The following SH3KBP1 variants were observed in gnomAD, a reference collection of about 807,000 sequenced individuals.
The protein encoded by SH3KBP1 is SH3 domain-containing kinase-binding protein 1.
SH3KBP1 carries 8 observed loss-of-function variants against 50.1 expected under a neutral mutation model. The observed-to-expected ratio is 0.16, with a 90% confidence interval of 0.09 to 0.29. SH3KBP1 has a LOEUF of 0.29. SH3KBP1 is among the 10% of genes least tolerant of loss of function. SH3KBP1 has a pLI of 1.00. For missense variants in SH3KBP1, 377 were observed against 535.2 expected (o/e 0.70, Z 2.92); for synonymous variants, 227 against 218.6 (o/e 1.04, Z -0.34).
At chrX:19,634,339 CAG>C (rs779668610) in intron 7 of SH3KBP1, among the ~76,000 whole-genome samples, 1 of 110,993 alleles carries the variant, frequency 9.0e-6, no homozygotes, top group South Asian at 3.8e-4. Flanking sequence ...CCAAGAAAAT[CAG>C]TGATAATTTG....
chrX:19,851,926 T>C (rs181789674), intron 1 of SH3KBP1, among the ~76,000 whole-genome samples: 1 of 111,427 alleles, frequency 9.0e-6, no homozygotes, highest in Non-Finnish European at 1.9e-5. Context: ...GCCAATTGTG[T>C]TTTCCAAGAT....
In SH3KBP1 at chrX:19,646,900, C is replaced by A. The variant is rs16981255; in HGVS notation, c.727-1425G>T. The stretch of plus-strand genomic sequence containing the variant: ...AAATAATATGCCACCTCTAAACTGC[C>A]GCTAAGTACTCAAACTAATAACATT... On this transcript the variant is annotated intron_variant, in intron 6 of 17. Coordinates refer to ENST00000397821, the MANE Select transcript of SH3KBP1 (RefSeq NM_031892.3). 2.2e-3 allele frequency among the ~76,000 whole-genome samples: 245 copies of A among 111,987 alleles called. 1 individual carries two copies. The highest frequency in any genetic ancestry group is 3.8e-3 in the Non-Finnish European group (203 of 53,168).
chrX:19,678,203 A>C (rs1055611478), intron 6 of SH3KBP1, among the ~76,000 whole-genome samples: 1 of 112,036 alleles, frequency 8.9e-6, no homozygotes, highest in Non-Finnish European at 1.9e-5. Flanking sequence ...ATCACAAATC[A>C]TAAGTGTTCA....
intron 2 of SH3KBP1, among the ~76,000 whole-genome samples, chrX:19,764,805 G>A (rs1199987586): frequency 1.9e-5 from 2 of 106,044 alleles, no homozygotes; most frequent in East Asian, 2.9e-4. Flanking sequence ...GTGGACATGC[G>A]CTCCAACTCT....
At chrX:19,854,000 ACT>A (rs2068582414) in intron 1 of SH3KBP1, among the ~76,000 whole-genome samples, 1 of 109,547 alleles carries the variant, frequency 9.1e-6, no homozygotes, top group Admixed American at 9.7e-5. Flanking sequence ...CTTCTCAAAG[ACT>A]CTCTCTAGAA....
chrX:19,825,036 G>T (rs768814827), intron 2 of SH3KBP1, among the ~76,000 whole-genome samples: 2 of 112,220 alleles, frequency 1.8e-5, no homozygotes, highest in Non-Finnish European at 3.8e-5. Flanking sequence ...GGTTGGTTTT[G>T]AGGGCCCCGT....
At chrX:19,773,953 G>T (rs1349392485) in intron 2 of SH3KBP1, among the ~76,000 whole-genome samples, 6 of 106,978 alleles carry the variant, frequency 5.6e-5, no homozygotes, top group Non-Finnish European at 9.6e-5. Flanking sequence ...CTGTCACTGT[G>T]TGAAAGGCAT....
At chrX:19,841,462 C>G (rs2068216601) in intron 1 of SH3KBP1, among the ~76,000 whole-genome samples, 1 of 112,560 alleles carries the variant, frequency 8.9e-6, no homozygotes, top group Non-Finnish European at 1.9e-5. Flanking sequence ...TCACAGAGGT[C>G]TCAGTGCAGT....
intron 15 of SH3KBP1, among the ~76,000 whole-genome samples, chrX:19,542,900 G>C (rs750399905): frequency 8.9e-6 from 1 of 112,087 alleles, no homozygotes; most frequent in East Asian, 2.8e-4. Context: ...CTAGGCGAAA[G>C]GGTGAGAGGA....
intron 8 of SH3KBP1, among the ~76,000 whole-genome samples, chrX:19,629,669 G>T (rs767345870): frequency 8.9e-6 from 1 of 112,167 alleles, no homozygotes; most frequent in African/African-American, 3.2e-5. Flanking sequence ...GGTGGGACTA[G>T]GAGGACCAAG....
rs1195969648 is a variant in SH3KBP1 at position 19,768,240 on chromosome X, CA to C, written c.163-21800del. 2.1e-4 allele frequency among the ~76,000 whole-genome samples: 23 copies of C among 108,106 alleles called. 1 individual carries two copies. Among genetic ancestry groups the C allele is most frequent in the African/African-American group, 7.5e-4 (22 of 29,517 alleles). 93.9% of individuals were successfully genotyped at this position (108,106 alleles called of 115,157 possible). A position where few individuals can be genotyped will look rare whatever the true frequency, so the allele number is the denominator to read the frequency against. On this transcript the variant is annotated intron_variant, in intron 2 of 17. Transcript: ENST00000397821. The stretch of plus-strand genomic sequence containing the variant: ...GTCAGCTATTACCACCCTGGCTCAG[CA>C]ATAAGACAGCACCTCCAAAAGGTTA...
At chrX:19,770,392 A>G (rs1323144068) in intron 2 of SH3KBP1, among the ~76,000 whole-genome samples, 2 of 112,219 alleles carry the variant, frequency 1.8e-5, no homozygotes, top group Non-Finnish European at 3.8e-5. Context: ...TTATGGCTGC[A>G]TAGTATTCCA....
intron 8 of SH3KBP1, among the ~76,000 whole-genome samples, chrX:19,629,367 C>A (rs1905110547): frequency 9.0e-6 from 1 of 110,513 alleles, no homozygotes; most frequent in African/African-American, 3.3e-5. Context: ...TTGATTGGTG[C>A]AGAAGGGTAA....
intron 3 of SH3KBP1, among the ~76,000 whole-genome samples, chrX:19,743,512 C>T (rs1467224028): frequency 8.9e-6 from 1 of 111,911 alleles, no homozygotes; most frequent in South Asian, 3.7e-4. Context: ...ACTCTGCAGA[C>T]GTTTACAAAC....
At chrX:19,549,252 A>AT (rs371900573) in intron 14 of SH3KBP1, among the ~76,000 whole-genome samples, 20,496 of 110,107 alleles carry the variant, frequency 0.19, 1,485 homozygotes, top group Non-Finnish European at 0.2. Flanking sequence ...TATACAAATA[A>AT]TTTTTTTTTA....
At chrX:19,878,079 T>C (rs1285810518) in intron 1 of SH3KBP1, among the ~76,000 whole-genome samples, 1 of 111,922 alleles carries the variant, frequency 8.9e-6, no homozygotes, top group Admixed American at 9.5e-5. Flanking sequence ...TGAGCTACCT[T>C]TTGCCTTAAG....
At chrX:19,755,089 T>G (rs1281739551) in intron 2 of SH3KBP1, among the ~76,000 whole-genome samples, 1 of 111,938 alleles carries the variant, frequency 8.9e-6, no homozygotes, top group Non-Finnish European at 1.9e-5. Context: ...AATTACAGAA[T>G]GGCAGGCACG....
chrX:19,633,573 A>G (rs1055980954), intron 7 of SH3KBP1, among the ~76,000 whole-genome samples: 5 of 112,341 alleles, frequency 4.5e-5, no homozygotes, highest in Non-Finnish European at 9.4e-5. Context: ...ATGACTGCCA[A>G]TCTCAAAACT....
At chrX:19,659,912 G>A (rs1383615625) in intron 6 of SH3KBP1, among the ~76,000 whole-genome samples, 1 of 112,657 alleles carries the variant, frequency 8.9e-6, no homozygotes, top group African/African-American at 3.2e-5. Context: ...TGGAGGAGGA[G>A]GACTGGGTTC....
Sources: gnomAD v4.1 joint callset for allele counts (sites outside exome capture counted in the v4.1 genomes callset) on GRCh38, gnomAD v4.1.1 for gene constraint, MANE v1.5 for transcripts, NCBI Gene and HGNC (gene_info 2026-07-23, HGNC 2026-07-21) for gene names.